ACACA: variants seen among roughly 807,000 people sequenced by gnomAD.
ACACA encodes acetyl-CoA carboxylase alpha.
Under a neutral mutation model 296.1 loss-of-function variants are expected in ACACA, and 103 were observed. That is an observed-to-expected ratio of 0.35 (90% CI 0.30 to 0.41). The LOEUF (loss-of-function observed/expected upper bound fraction) is 0.41. Among genes scored for constraint, ACACA ranks in the 10% least tolerant of loss-of-function variants. The probability of loss-of-function intolerance (pLI) is 1.00; values close to 1 mark genes in which losing one functional copy is unlikely to be tolerated. For missense variants in ACACA, 1,554 were observed against 2,989.7 expected (o/e 0.52, Z 11.20); for synonymous variants, 953 against 1,038.6 (o/e 0.92, Z 1.58).
At chr17:37,286,827 T>G (rs1236714333) in intron 3 of ACACA, among the ~76,000 whole-genome samples, 1 of 151,566 alleles carries the variant, frequency 6.6e-6, no homozygotes, top group Non-Finnish European at 1.5e-5. Flanking sequence ...GCACCAGCCC[T>G]CCAGGAGACC....
intron 1 of ACACA, among the ~76,000 whole-genome samples, chr17:37,363,083 C>T (rs1210607688): frequency 4.0e-5 from 6 of 149,438 alleles, no homozygotes; most frequent in Non-Finnish European, 8.9e-5. Flanking sequence ...AACTCCTGGG[C>T]TCAAGCGATC....
intron 1 of ACACA, among the ~76,000 whole-genome samples, chr17:37,373,246 T>G (rs961656792): frequency 5.3e-5 from 8 of 151,902 alleles, no homozygotes; most frequent in African/African-American, 1.9e-4. Flanking sequence ...TACTCCAATA[T>G]GCAGGCTGAC....
rs949371213 is a variant in ACACA at position 37,162,032 on chromosome 17, T to G, written c.5098A>C (p.Lys1700Gln). Reference sequence around the variant, plus strand: ...TATTCAGGACTTTTAAAGGTCATTTTCCAAGCTACCATGCCAATCTGGAAA... The same window carrying G: ...TATTCAGGACTTTTAAAGGTCATTTGCCAAGCTACCATGCCAATCTGGAAA... ...GGNEIGMVAW[K>Q]MTFKSPEYPE... Residue 1700 changes from lysine (K) to glutamine (Q), a missense_variant, in exon 42 of 56, where the codon AAA becomes CAA. Coordinates refer to ENST00000616317, the MANE Select transcript of ACACA (RefSeq NM_198834.3). 6.2e-7 allele frequency: 1 copy of G among 1,614,224 alleles called. No individual in the cohort carries two copies.
intron 52 of ACACA, among the ~76,000 whole-genome samples, chr17:37,098,196 CT>C (rs1265523819): frequency 8.5e-5 from 13 of 152,208 alleles, no homozygotes; most frequent in Admixed American, 7.9e-4. Context: ...CCCACATGCC[CT>C]CTTTTCCCTG....
At chr17:37,230,483 C>G (rs1034115359) in intron 25 of ACACA, among the ~76,000 whole-genome samples, 1 of 152,134 alleles carries the variant, frequency 6.6e-6, no homozygotes, top group Non-Finnish European at 1.5e-5. Context: ...TTTCGTTAGT[C>G]TATTCTGACT....
At chr17:37,114,531 TAA>T (rs60963286) in intron 50 of ACACA, among the ~76,000 whole-genome samples, 34,343 of 122,434 alleles carry the variant, frequency 0.28, 5,464 homozygotes, top group African/African-American at 0.47. Context: ...GCCCTGCCTT[TAA>T]AAAAAAAAAA....
chr17:37,387,812 A>C (rs994072946), intron 1 of ACACA: 6 of 152,124 alleles, frequency 3.9e-5, no homozygotes, highest in African/African-American at 9.6e-5. Context: ...GTAAGATTCC[A>C]ATTTGGGTTA....
At chr17:37,345,918 G>T (rs900147169) in intron 1 of ACACA, among the ~76,000 whole-genome samples, 7 of 152,018 alleles carry the variant, frequency 4.6e-5, no homozygotes, top group Admixed American at 1.3e-4. Context: ...CACTAAAAAA[G>T]AAAAGCTACA....
At chr17:37,394,275 A>G (rs555027455) in intron 1 of ACACA, among the ~76,000 whole-genome samples, 1 of 151,702 alleles carries the variant, frequency 6.6e-6, no homozygotes, top group South Asian at 2.1e-4. Context: ...CAATGGTTCA[A>G]TCTCAGCTCA....
chr17:37,272,482 C>T (rs1036117150), intron 9 of ACACA, among the ~76,000 whole-genome samples: 1 of 151,716 alleles, frequency 6.6e-6, no homozygotes, highest in Non-Finnish European at 1.5e-5. Context: ...TTTCTATGCT[C>T]ATATAAACAG....
At chr17:37,124,465 C>G (rs1597889341) in intron 48 of ACACA, among the ~76,000 whole-genome samples, 1 of 152,258 alleles carries the variant, frequency 6.6e-6, no homozygotes, top group South Asian at 2.1e-4. Flanking sequence ...TTTTCACAGA[C>G]AGGAAAATTG....
intron 1 of ACACA, chr17:37,391,594 G>A: frequency 6.6e-7 from 1 of 1,522,450 alleles, no homozygotes; most frequent in Non-Finnish European, 9.1e-7. Flanking sequence ...GGTACATGAA[G>A]AACTATACAC....
chr17:37,260,335 T>A lies in ACACA; in HGVS notation c.1330-805A>T, dbSNP rs114471680. On this transcript the variant is annotated intron_variant, in intron 11 of 55. Coordinates refer to ENST00000616317, the MANE Select transcript of ACACA (RefSeq NM_198834.3). The stretch of plus-strand genomic sequence containing the variant: ...TTTTTTTGGAGATGGAGTCTCGCTT[T>A]GTCACCCACCCAGGATGGAGCACAG... 4.1e-3 allele frequency among the ~76,000 whole-genome samples: 528 copies of A among 128,224 alleles called. 12 individuals carry two copies. Among genetic ancestry groups the A allele is most frequent in the African/African-American group, 0.015 (482 of 32,100 alleles). 84.1% of individuals were successfully genotyped at this position (128,224 alleles called of 152,430 possible).
At chr17:37,255,281 T>C (rs1051554155) in intron 14 of ACACA, among the ~76,000 whole-genome samples, 1 of 151,968 alleles carries the variant, frequency 6.6e-6, no homozygotes, top group African/African-American at 2.4e-5. Flanking sequence ...TTATGACCCA[T>C]GGGAAATTAT....
At chr17:37,289,484 A>G (rs754450031) in intron 3 of ACACA, 1 of 1,352,044 alleles carries the variant, frequency 7.4e-7, no homozygotes, top group Non-Finnish European at 9.8e-7. Flanking sequence ...ATTATCTTCA[A>G]CCCTCTAGGC....
At chr17:37,116,281 C>T (rs1402976178) in intron 50 of ACACA, among the ~76,000 whole-genome samples, 1 of 152,174 alleles carries the variant, frequency 6.6e-6, no homozygotes, top group African/African-American at 2.4e-5. Flanking sequence ...AGCCTCTGTG[C>T]CCAGCCTCTA....
intron 25 of ACACA, among the ~76,000 whole-genome samples, chr17:37,228,206 CTTTTTT>C (rs11299899): frequency 1.5e-4 from 16 of 106,062 alleles, no homozygotes; most frequent in Admixed American, 1.4e-3. Flanking sequence ...TTCTCAAACC[CTTTTTT>C]TTTTTTTTTT....
At chr17:37,309,520 G>T (rs1291299416) in intron 3 of ACACA, among the ~76,000 whole-genome samples, 1 of 152,134 alleles carries the variant, frequency 6.6e-6, no homozygotes, top group African/African-American at 2.4e-5. Context: ...TGTAACAATA[G>T]AGCCTCTTTG....
chr17:37,329,640 C>CAA (rs34870931), intron 3 of ACACA, among the ~76,000 whole-genome samples: 1,803 of 119,332 alleles, frequency 0.015, 19 homozygotes, highest in African/African-American at 0.036. Flanking sequence ...GACTCTATCT[C>CAA]AAAAAAAAAA....
Sources: allele counts gnomAD v4.1 joint callset (sites outside exome capture counted in the v4.1 genomes callset), GRCh38; gene constraint gnomAD v4.1.1; transcripts MANE v1.5; gene names NCBI Gene and HGNC (gene_info 2026-07-23, HGNC 2026-07-21).